Variants in HECTD4 observed in about 807,000 individuals in gnomAD.
HECTD4 encodes the protein HECT domain E3 ubiquitin protein ligase 4.
A neutral mutation model predicts 471.5 loss-of-function variants in HECTD4; 114 were observed. The ratio of observed to expected loss-of-function variants is 0.24; its 90% CI spans 0.21 to 0.28. HECTD4 has a LOEUF of 0.28. Among genes scored for constraint, HECTD4 ranks in the 10% least tolerant of loss-of-function variants. The pLI, the probability that HECTD4 is intolerant of heterozygous loss-of-function variation, is 1.00. For missense variants in HECTD4, 3,866 were observed against 5,651.5 expected (o/e 0.68, Z 10.13); for synonymous variants, 2,012 against 2,256.0 (o/e 0.89, Z 3.07).
At chr12:112,258,733 G>T in intron 19 of HECTD4, 137 bp from the exon 20 acceptor site, 1 of 655,836 alleles carries the variant, frequency 1.5e-6, no homozygotes, top group Non-Finnish European at 2.5e-6. Context: ...GAAATGCTGT[G>T]CTACTTAGAC....
chr12:112,183,276 C>A lies in HECTD4; in HGVS notation c.10780-10G>T. On this transcript the variant is annotated splice_polypyrimidine_tract_variant and intron_variant, in intron 61 of 75. Transcript: ENST00000682272. ...TGGCTCGGGATCTTATCTGTGTGAA[C>A]AGAGAACAGGGTCAGGATTTGAGTA... 6.2e-7 allele frequency: 1 copy of A among 1,608,642 alleles called. No individual in the cohort carries two copies. Among genetic ancestry groups the A allele is most frequent in the Non-Finnish European group, 8.5e-7 (1 of 1,176,152 alleles).
chr12:112,345,909 G>A lies in HECTD4; in HGVS notation c.178-26167C>T, dbSNP rs2036141319. On this transcript the variant is annotated intron_variant, in intron 1 of 75. Coordinates refer to ENST00000682272, the MANE Select transcript of HECTD4 (RefSeq NM_001388303.1). ...GACTCCGTCTCAAAAACAAAATAAA[G>A]AAAGAAAGAAGAGAAAGCAAACATG... 2.0e-5 allele frequency among the ~76,000 whole-genome samples: 3 copies of A among 152,056 alleles called. No homozygotes were observed. In the South Asian group the frequency reaches 6.3e-4, roughly 32 times the overall value.
At chr12:112,279,493 A>G in intron 8 of HECTD4, 107 bp from the exon 9 acceptor site, 1 of 948,332 alleles carries the variant, frequency 1.1e-6, no homozygotes, top group South Asian at 1.8e-5. Flanking sequence ...TCAAACAAAG[A>G]TTTGGAAAAC....
intron 5 of HECTD4, 135 bp downstream of exon 5, chr12:112,309,426 T>C (rs952414067): frequency 5.9e-6 from 3 of 504,562 alleles, no homozygotes; most frequent in African/African-American, 3.9e-5. Flanking sequence ...TTGGAATTAT[T>C]TGAATTAGTT....
intron 44 of HECTD4, among the ~76,000 whole-genome samples, chr12:112,221,582 G>C (rs528962679): frequency 1.3e-5 from 2 of 152,052 alleles, no homozygotes; most frequent in Non-Finnish European, 2.9e-5. Context: ...CAAGTGATTG[G>C]ATGTGAAGGG....
At chr12:112,287,164 TC>T (rs778482272) in intron 7 of HECTD4, among the ~76,000 whole-genome samples, 6 of 152,146 alleles carry the variant, frequency 3.9e-5, no homozygotes, top group Admixed American at 6.5e-5. Flanking sequence ...GCTCCCCATC[TC>T]CACCCCATGC....
chr12:112,334,526 G>A (rs1413367716), intron 1 of HECTD4, among the ~76,000 whole-genome samples: 2 of 151,722 alleles, frequency 1.3e-5, no homozygotes, highest in African/African-American at 4.8e-5. Flanking sequence ...CAGGCACGGT[G>A]GCTCACGCCT....
intron 1 of HECTD4, among the ~76,000 whole-genome samples, chr12:112,335,564 T>C (rs902612329): frequency 3.3e-5 from 5 of 152,114 alleles, no homozygotes; most frequent in Non-Finnish European, 5.9e-5. Flanking sequence ...GGTGCGCGCC[T>C]GTAGTCCCAG....
chr12:112,280,783 AC>A (rs1283928480), intron 8 of HECTD4, among the ~76,000 whole-genome samples: 7 of 142,568 alleles, frequency 4.9e-5, no homozygotes, highest in African/African-American at 8.0e-5. Context: ...TGGAATAAAA[AC>A]TTTTTTTTTT....
intron 1 of HECTD4, among the ~76,000 whole-genome samples, chr12:112,380,168 G>T (rs1312182602): frequency 6.6e-6 from 1 of 152,174 alleles, no homozygotes; most frequent in Non-Finnish European, 1.5e-5. Context: ...GCATAGGCAC[G>T]GCATAGTGGC....
chr12:112,226,805 TGTCTAAAAAA>T (rs1318390050), intron 43 of HECTD4, 47 bp from the exon 44 acceptor site: 1 of 1,411,520 alleles, frequency 7.1e-7, no homozygotes, highest in African/African-American at 1.4e-5. Context: ...CAGTGTTCAT[TGTCTAAAAAA>T]GTCAACTGTG....
intron 22 of HECTD4, 149 bp downstream of exon 22, chr12:112,253,894 G>T: frequency 1.5e-6 from 1 of 664,962 alleles, no homozygotes; most frequent in Non-Finnish European, 2.5e-6. Context: ...TGAATAGAAG[G>T]AGTGAGCTGA....
At chr12:112,287,975 A>T (rs530650720) in intron 7 of HECTD4, among the ~76,000 whole-genome samples, 7 of 151,684 alleles carry the variant, frequency 4.6e-5, no homozygotes, top group African/African-American at 9.7e-5. Context: ...ATGCCCTTGT[A>T]TAGTCCCCGT....
Position 112,226,753 on chromosome 12 carries a change from C to A in HECTD4, c.6860G>T (p.Cys2287Phe). 6.2e-7 allele frequency: 1 copy of A among 1,604,714 alleles called. No individual in the cohort carries two copies. Among genetic ancestry groups the A allele is most frequent in the Non-Finnish European group, 8.5e-7 (1 of 1,172,564 alleles). ...TTCTAAAAGCTGGGCCATGACCAGG[C>A]ATGCTCTTAATGTTAAAAGATTTAC... ...RLLAEIRTRACLVMAQLLEDS... is the reference protein window; with the variant it reads ...RLLAEIRTRAFLVMAQLLEDS... Residue 2287 changes from cysteine (C) to phenylalanine (F), a missense_variant, in exon 44 of 76, where the codon TGC becomes TTC. Physicochemically the swap from Cys to Phe is radical, Grantham distance 205 (BLOSUM62 -2). This residue lies in a region of HECTD4 where 617 missense variants were observed against 915.1 expected (regional missense o/e 0.67). Coordinates refer to ENST00000682272, the MANE Select transcript of HECTD4 (RefSeq NM_001388303.1).
rs2135576245 is a variant in HECTD4, at chr12:112,239,845, T to C, written c.5105+36A>G. On this transcript the variant is annotated intron_variant, in intron 33 of 75. Coordinates refer to ENST00000682272, the MANE Select transcript of HECTD4 (RefSeq NM_001388303.1). This position sits in a 1 kb window ranked among gnomAD's most constrained non-coding sequence, Gnocchi z 4.9. ...TCACTTAATCGACTATACTGCAGGG[T>C]AACTTACATACAACAAAAGGCCTTT... 1 of 1,571,174 alleles carries C rather than the reference T, an allele frequency of 6.4e-7. No homozygotes were observed. The highest frequency in any genetic ancestry group is 8.7e-7 in the Non-Finnish European group (1 of 1,151,482).
At position 112,184,700 on chromosome 12, in the gene HECTD4, G is replaced by A. The variant is rs764652752; in HGVS notation, c.10266C>T (p.Asn3422=). ...VVRGAIRKAC[N]AHGGVFKDEI... ...CGTCTTTGAAGACCCCGCCGTGGGC[G>A]TTGCAGGCCTTGCGGATGGCGCCTC... The change falls in exon 61 of 76, where the codon AAC becomes AAT. Residue 3422 remains asparagine, a synonymous_variant. Coordinates refer to ENST00000682272, the MANE Select transcript of HECTD4 (RefSeq NM_001388303.1). The surrounding 1 kb of genome is among the most constrained non-coding windows in gnomAD (Gnocchi z 9.1). 70 of 1,613,440 alleles carry A rather than the reference G, an allele frequency of 4.3e-5. No homozygotes were observed. In the East Asian group the frequency reaches 8.7e-4, roughly 20 times the overall value.
intron 1 of HECTD4, among the ~76,000 whole-genome samples, chr12:112,337,971 C>T (rs949735670): frequency 6.6e-6 from 1 of 152,176 alleles, no homozygotes; most frequent in Non-Finnish European, 1.5e-5. Context: ...TATTAGTTTC[C>T]TGTGCCTACT....
intron 7 of HECTD4, among the ~76,000 whole-genome samples, chr12:112,302,975 GCTC>G (rs1334754004): frequency 7.4e-6 from 1 of 134,728 alleles, no homozygotes; most frequent in Non-Finnish European, 1.6e-5. Flanking sequence ...TATTTTGTCT[GCTC>G]TTTTTTTTTT....
chr12:112,268,868 GTTTTTTTTTTTT>G (rs561805261), intron 13 of HECTD4, among the ~76,000 whole-genome samples: 4 of 65,846 alleles, frequency 6.1e-5, no homozygotes, highest in African/African-American at 2.0e-4. Flanking sequence ...GTCTGAAAAG[GTTTTTTTTTTTT>G]TTTTTTTTTT....
Sources: gnomAD v4.1 joint callset for allele counts (sites outside exome capture counted in the v4.1 genomes callset) on GRCh38, gnomAD v4.1.1 for gene constraint, gnomAD v4.1.1 regional missense constraint, Gnocchi (gnomAD v3.1) non-coding constraint, MANE v1.5 for transcripts, NCBI Gene and HGNC (gene_info 2026-07-23, HGNC 2026-07-21) for gene names.